Variants in COL23A1 observed in about 807,000 individuals in gnomAD.
The protein encoded by COL23A1 is collagen type XXIII alpha 1 chain.
Under a neutral mutation model 99.3 loss-of-function variants are expected in COL23A1, and 97 were observed. The ratio of observed to expected loss-of-function variants is 0.98; its 90% CI spans 0.83 to 1.16. COL23A1 has a LOEUF of 1.16. Among genes scored for constraint, COL23A1 ranks in the 50% most tolerant of loss-of-function variants. The probability of loss-of-function intolerance (pLI) is 0.00; values close to 1 mark genes in which losing one functional copy is unlikely to be tolerated. For synonymous variants in COL23A1, 320 were observed against 308.2 expected, an observed-to-expected ratio of 1.04 and a Z score of -0.40; for missense variants, 762 against 757.4, an observed-to-expected ratio of 1.01 and a Z score of -0.07.
chr5:178,545,111 T>C (rs1467375212), intron 2 of COL23A1, among the ~76,000 whole-genome samples: 2 of 146,718 alleles, frequency 1.4e-5, no homozygotes, highest in East Asian at 4.0e-4. Flanking sequence ...TAAATAAAAA[T>C]AAATAAAGTA....
chr5:178,279,157 C>T (rs1452154055), intron 5 of COL23A1, among the ~76,000 whole-genome samples: 2 of 152,236 alleles, frequency 1.3e-5, no homozygotes, highest in African/African-American at 4.8e-5. Flanking sequence ...TCACCCACTG[C>T]CCTCAGGGCA....
chr5:178,581,603 C>T (rs572417916), intron 1 of COL23A1, among the ~76,000 whole-genome samples: 243 of 150,986 alleles, frequency 1.6e-3, no homozygotes, highest in Non-Finnish European at 2.6e-3. Context: ...AAACAAAGCC[C>T]GAAAGACATC....
At chr5:178,353,444 T>A (rs1251207076) in intron 2 of COL23A1, among the ~76,000 whole-genome samples, 1 of 152,148 alleles carries the variant, frequency 6.6e-6, no homozygotes, top group African/African-American at 2.4e-5. Flanking sequence ...CCAACCCACA[T>A]GAAAACTTCC....
chr5:178,518,509 G>A, intron 2 of COL23A1, among the ~76,000 whole-genome samples: 1 of 149,142 alleles, frequency 6.7e-6, no homozygotes, highest in South Asian at 2.1e-4. Context: ...GGACGGGGTG[G>A]CTGGCCGGGC....
chr5:178,535,403 G>A (rs763288840), intron 2 of COL23A1, among the ~76,000 whole-genome samples: 3 of 152,226 alleles, frequency 2.0e-5, no homozygotes, highest in African/African-American at 4.8e-5. Context: ...CCAGCACTCC[G>A]TGGGTGTGGG....
chr5:178,508,015 TTTCTTC>T (rs57811121), intron 2 of COL23A1, among the ~76,000 whole-genome samples: 36 of 150,642 alleles, frequency 2.4e-4, no homozygotes, highest in South Asian at 4.2e-4. Context: ...CTTTTTATTT[TTTCTTC>T]TTCTTCTTCT....
intron 2 of COL23A1, among the ~76,000 whole-genome samples, chr5:178,343,271 C>G (rs1467953511): frequency 1.3e-5 from 2 of 152,070 alleles, no homozygotes; most frequent in African/African-American, 4.8e-5. Flanking sequence ...TAGCTAAGAT[C>G]CAGAAGAGAA....
At chr5:178,250,488 C>G (rs1254492588) in intron 17 of COL23A1, among the ~76,000 whole-genome samples, 1 of 152,182 alleles carries the variant, frequency 6.6e-6, no homozygotes, top group Non-Finnish European at 1.5e-5. Context: ...TGCAAGCTGT[C>G]CACCTGCCAG....
rs112165051 is a variant in COL23A1 at position 178,269,795 on chromosome 5, GCATC to G, written c.468+538_468+541del. Among the ~76,000 whole-genome samples, 44 of 142,044 alleles carry G rather than the reference GCATC, an allele frequency of 3.1e-4. No individual in the cohort carries two copies. The South Asian group carries it at 5.0e-3, about 16-fold the overall frequency. The allele number at this position is 142,044 out of a possible 152,430, so 93.2% of individuals were successfully genotyped here. On this transcript the variant is annotated intron_variant, in intron 6 of 28. Coordinates refer to ENST00000390654, the MANE Select transcript of COL23A1 (RefSeq NM_173465.4). Reference sequence around the variant, plus strand: ...ATCCATCCATCCATCTATCCAGTCAGCATCCATCCATCCATCCATCCATCCATCT... The same window carrying G: ...ATCCATCCATCCATCTATCCAGTCAGCATCCATCCATCCATCCATCCATCT...
rs547399525 is a variant in COL23A1 at position 178,404,488 on chromosome 5, C to T, written c.362-97569G>A. On this transcript the variant is annotated intron_variant, in intron 2 of 28. Coordinates refer to ENST00000390654, the MANE Select transcript of COL23A1 (RefSeq NM_173465.4). ...AAAAGGGCACTCCAGGCAGAAAGAACAACACAGACAAAGGCACCAAGGCAT... is the reference window on the plus strand; with the variant it reads ...AAAAGGGCACTCCAGGCAGAAAGAATAACACAGACAAAGGCACCAAGGCAT... Among the ~76,000 whole-genome samples, 4 of 146,274 alleles carry T rather than the reference C, an allele frequency of 2.7e-5. No homozygotes were observed. The South Asian group carries it at 8.8e-4, about 32-fold the overall frequency.
intron 5 of COL23A1, among the ~76,000 whole-genome samples, chr5:178,275,200 A>T (rs1390933017): frequency 6.6e-6 from 1 of 152,214 alleles, no homozygotes; most frequent in Admixed American, 6.5e-5. Flanking sequence ...AACAAGTTCA[A>T]ATTGGGTCCC....
intron 2 of COL23A1, among the ~76,000 whole-genome samples, chr5:178,542,708 G>A (rs1210694142): frequency 6.6e-6 from 1 of 150,808 alleles, no homozygotes; most frequent in Non-Finnish European, 1.5e-5. Flanking sequence ...AGGGGGAGGG[G>A]AGGGCTGGGA....
chr5:178,357,756 G>GTGTA (rs1554144808), intron 2 of COL23A1, among the ~76,000 whole-genome samples: 1 of 146,810 alleles, frequency 6.8e-6, no homozygotes, highest in Non-Finnish European at 1.5e-5. Context: ...GTATGTGTGT[G>GTGTA]TGTACGTGTA....
At chr5:178,431,641 G>C (rs1317407124) in intron 2 of COL23A1, among the ~76,000 whole-genome samples, 1 of 152,250 alleles carries the variant, frequency 6.6e-6, no homozygotes, top group African/African-American at 2.4e-5. Context: ...CAGCGGCCAG[G>C]AGCTGAAGAG....
chr5:178,518,494 C>T (rs1283478636), intron 2 of COL23A1, among the ~76,000 whole-genome samples: 1 of 148,428 alleles, frequency 6.7e-6, no homozygotes, highest in Non-Finnish European at 1.5e-5. Flanking sequence ...CGCCCCTCAC[C>T]TCCCGGACGG....
intron 6 of COL23A1, among the ~76,000 whole-genome samples, 182 bp downstream of exon 6, chr5:178,270,155 C>T (rs1431091821): frequency 6.6e-6 from 1 of 152,216 alleles, no homozygotes; most frequent in East Asian, 1.9e-4. Flanking sequence ...AGGAGGCCTC[C>T]CTTGGTCACC....
At chr5:178,333,060 C>T (rs1329223129) in intron 2 of COL23A1, among the ~76,000 whole-genome samples, 6 of 152,124 alleles carry the variant, frequency 3.9e-5, no homozygotes, top group African/African-American at 1.2e-4. Flanking sequence ...CGAGTTCAAG[C>T]GATTCTCTTG....
At chr5:178,563,114 C>G (rs979991234) in intron 1 of COL23A1, among the ~76,000 whole-genome samples, 4 of 152,210 alleles carry the variant, frequency 2.6e-5, no homozygotes, top group African/African-American at 9.7e-5. Context: ...GCACTCACTC[C>G]TCCATCATCA....
At chr5:178,557,923 T>A (rs981626529) in intron 2 of COL23A1, among the ~76,000 whole-genome samples, 2 of 151,940 alleles carry the variant, frequency 1.3e-5, no homozygotes, top group Non-Finnish European at 2.9e-5. Flanking sequence ...GACAGGGGTG[T>A]GCTGAGGGGT....
Sources: gnomAD v4.1 joint callset for allele counts (sites outside exome capture counted in the v4.1 genomes callset) on GRCh38, gnomAD v4.1.1 for gene constraint, MANE v1.5 for transcripts, NCBI Gene and HGNC (gene_info 2026-07-23, HGNC 2026-07-21) for gene names.